The following TMBIM4 variants were observed in gnomAD, a reference collection of about 807,000 sequenced individuals.
The protein encoded by TMBIM4 is protein lifeguard 4.
In TMBIM4, 28 loss-of-function variants were observed where a neutral mutation model predicts 27.7. That is an observed-to-expected ratio of 1.01 (90% CI 0.75 to 1.38). The LOEUF is 1.38. Among genes scored for constraint, TMBIM4 ranks in the 40% most tolerant of loss-of-function variants. TMBIM4 has a pLI of 0.00. For synonymous variants in TMBIM4, 115 were observed against 113.1 expected (o/e 1.02, Z -0.11); for missense variants, 265 against 277.5 (o/e 0.95, Z 0.32).
intron 1 of TMBIM4, among the ~76,000 whole-genome samples, chr12:66,153,843 GTTTT>G (rs1419495983): frequency 3.0e-5 from 4 of 134,476 alleles, no homozygotes; most frequent in African/African-American, 8.0e-5. Flanking sequence ...TAAACGTTAA[GTTTT>G]TTTATGTCTT....
intron 1 of TMBIM4, chr12:66,160,148 C>T: frequency 1.4e-6 from 1 of 701,404 alleles, no homozygotes; most frequent in Non-Finnish European, 2.6e-6. Flanking sequence ...GCCCAGAAAG[C>T]TGAGTATGTT....
intron 1 of TMBIM4, chr12:66,169,204 C>T: frequency 1.4e-6 from 1 of 690,692 alleles, no homozygotes. Context: ...CAATGGCTTC[C>T]ACGTAGATGA....
rs973622624 is a variant in TMBIM4 at position 66,152,251 on chromosome 12, G to A, written c.312+20C>T. On this transcript the variant is annotated intron_variant, in intron 3 of 6. Transcript: ENST00000358230. ...CTCAGGAATAATTGTTAAGGGAATA[G>A]AGAAAGTCAGAGTACTCACAAATCC... 2 of 1,444,544 alleles carry A rather than the reference G, an allele frequency of 1.4e-6. No homozygotes were observed. The highest frequency in any genetic ancestry group is 1.3e-5 in the South Asian group (1 of 77,750). 89.5% of individuals were successfully genotyped at this position (1,444,544 alleles called of 1,614,324 possible).
At chr12:66,160,517 A>G (rs1258109897) in intron 1 of TMBIM4, among the ~76,000 whole-genome samples, 2 of 152,210 alleles carry the variant, frequency 1.3e-5, no homozygotes. Context: ...GAAACTATGA[A>G]AGACTACTGC....
At chr12:66,166,521 G>A (rs953993560) in intron 1 of TMBIM4, among the ~76,000 whole-genome samples, 1 of 150,506 alleles carries the variant, frequency 6.6e-6, no homozygotes, top group Non-Finnish European at 1.5e-5. Flanking sequence ...AAACACAAAT[G>A]GCAAATAAGT....
intron 2 of TMBIM4, among the ~76,000 whole-genome samples, chr12:66,152,862 A>G (rs943700393): frequency 6.6e-6 from 1 of 151,890 alleles, no homozygotes; most frequent in African/African-American, 2.4e-5. Flanking sequence ...CCTTTCCTTT[A>G]ATATAACAAA....
chr12:66,169,309 A>G, intron 1 of TMBIM4: 2 of 695,476 alleles, frequency 2.9e-6, no homozygotes, highest in South Asian at 3.0e-5. Flanking sequence ...TTCTGTGTTG[A>G]GCAACTTCCT....
chr12:66,136,341 A>G lies in TMBIM4; in HGVS notation c.*1619T>C, dbSNP rs1179241592. 6.5e-6 allele frequency: 1 copy of G among 152,906 alleles called. No homozygotes were observed. The highest frequency in any genetic ancestry group is 1.9e-4 in the East Asian group (1 of 5,200). The allele number at this position is 152,906 out of a possible 1,614,324, so 9.5% of individuals were successfully genotyped here. A position where few individuals can be genotyped will look rare whatever the true frequency, so the allele number is the denominator to read the frequency against. ...ATGCTGTTAAACTTGATTGCACTGC[A>G]TCATACACTTGATAATTCAACAGTT... On this transcript the variant is annotated 3_prime_UTR_variant, in exon 7 of 7. Transcript: ENST00000358230.
intron 5 of TMBIM4, among the ~76,000 whole-genome samples, chr12:66,140,563 A>G (rs2051652240): frequency 6.6e-6 from 1 of 152,188 alleles, no homozygotes; most frequent in Non-Finnish European, 1.5e-5. Flanking sequence ...CAAAGGAGAA[A>G]GAAGGGGAGA....
chr12:66,169,247 C>A, intron 1 of TMBIM4: 1 of 696,530 alleles, frequency 1.4e-6, no homozygotes, highest in South Asian at 1.5e-5. Context: ...AATTTCTGCC[C>A]ATTGGCTACT....
chr12:66,162,976 T>C (rs1474375466), intron 1 of TMBIM4, among the ~76,000 whole-genome samples: 23 of 152,252 alleles, frequency 1.5e-4, no homozygotes, highest in Admixed American at 1.5e-3. Context: ...TATCTCACTG[T>C]CTTTACATAC....
At chr12:66,140,406 T>A (rs1019996468) in intron 5 of TMBIM4, among the ~76,000 whole-genome samples, 3 of 152,006 alleles carry the variant, frequency 2.0e-5, no homozygotes, top group South Asian at 4.2e-4. Flanking sequence ...TGAAGAAGAT[T>A]ACTAAATTTG....
At chr12:66,143,764 C>A (rs12832926) in intron 5 of TMBIM4, among the ~76,000 whole-genome samples, 45,472 of 151,990 alleles carry the variant, frequency 0.3, 7,381 homozygotes, top group South Asian at 0.41. Flanking sequence ...GAAGGAACAG[C>A]CTATAAACTT....
rs953803572 is a variant in TMBIM4 at position 66,136,843 on chromosome 12, T to C, written c.*1117A>G. On this transcript the variant is annotated 3_prime_UTR_variant, in exon 7 of 7. Transcript: ENST00000358230. The stretch of plus-strand genomic sequence containing the variant: ...ACTTTGTTATGGCAGCCTAACAAAC[T>C]AGTACAGTGAGGGAATTTGACAAAA... 2 of 152,216 alleles carry C rather than the reference T, an allele frequency of 1.3e-5. No individual in the cohort carries two copies. The highest frequency in any genetic ancestry group is 2.9e-5 in the Non-Finnish European group (2 of 68,042). 9.4% of individuals were successfully genotyped at this position (152,216 alleles called of 1,614,324 possible).
intron 1 of TMBIM4, among the ~76,000 whole-genome samples, chr12:66,168,113 C>T (rs2052163063): frequency 6.6e-6 from 1 of 151,394 alleles, no homozygotes; most frequent in Non-Finnish European, 1.5e-5. Flanking sequence ...CCCAACTACT[C>T]GAGAGGCTGA....
chr12:66,152,314 T>C lies in TMBIM4; in HGVS notation c.269A>G (p.Asn90Ser), dbSNP rs992456352. ...SLGLIFALIL[N>S]RHKYPLNLYL... is the part of the protein sequence containing the mutation. ...CAGGTTAAGGGGATACTTATGTCTGTTTAAAATCAACGCAAAAATCAAACC... is the reference window on the plus strand; with the variant it reads ...CAGGTTAAGGGGATACTTATGTCTGCTTAAAATCAACGCAAAAATCAAACC... Residue 90 changes from asparagine to serine, a missense_variant, in exon 3 of 7, where the codon AAC becomes AGC. Transcript: ENST00000358230. 1.9e-6 allele frequency: 3 copies of C among 1,609,876 alleles called. No individual in the cohort carries two copies. Among genetic ancestry groups the C allele is most frequent in the Admixed American group, 3.3e-5 (2 of 59,848 alleles).
chr12:66,147,940 G>A lies in TMBIM4; in HGVS notation c.314C>T (p.Thr105Met), dbSNP rs374426385. Reference sequence around the variant, plus strand: ...TGCCACAGTCAGAGCTTCCAACAGCGTCTAATGAAAAGAAACTTAAATTAG... The same window carrying A: ...TGCCACAGTCAGAGCTTCCAACAGCATCTAATGAAAAGAAACTTAAATTAG... ...PLNLYLLFGF[T>M]LLEALTVAVV... The change falls in exon 4 of 7, where the codon ACG becomes ATG. Residue 105 changes from threonine to methionine, a missense_variant and splice_region_variant. By Grantham distance (81) the Thr-to-Met change is moderately conservative (BLOSUM62 -1). Transcript: ENST00000358230. The A allele has an allele frequency of 3.0e-5, 48 of 1,610,426 alleles. No homozygotes were observed. Among genetic ancestry groups the A allele is most frequent in the East Asian group, 6.7e-5 (3 of 44,792 alleles).
chr12:66,152,339 C>T lies in TMBIM4; in HGVS notation c.244G>A (p.Gly82Ser). 1 of 1,608,900 alleles carries T rather than the reference C, an allele frequency of 6.2e-7. No homozygotes were observed. Among genetic ancestry groups the T allele is most frequent in the South Asian group, 1.1e-5 (1 of 90,530 alleles). The change falls in exon 3 of 7, where the codon GGT (glycine) becomes AGT (serine). Residue 82 changes from glycine to serine, a missense_variant. Physicochemically the swap from Gly to Ser is moderately conservative, Grantham distance 56. Transcript: ENST00000358230. ...TTTAAAATCAACGCAAAAATCAAAC[C>T]CAGAGATCCGAGGGCAAACAGCAAA... Reference protein sequence around the residue: ...LILLFALGSLGLIFALILNRH... With the variant: ...LILLFALGSLSLIFALILNRH...
rs371265949 is a variant in TMBIM4, at chr12:66,137,353, T to G, written c.*607A>C. On this transcript the variant is annotated 3_prime_UTR_variant, in exon 7 of 7. Coordinates refer to ENST00000358230, the MANE Select transcript of TMBIM4 (RefSeq NM_016056.4). ...TCTTATCTACTCATAAAATTATTTT[T>G]GAATTGCAAACGAACTGCTATGCGT... 6.6e-6 allele frequency: 1 copy of G among 152,220 alleles called. No individual in the cohort carries two copies. The highest frequency in any genetic ancestry group is 1.9e-4 in the East Asian group (1 of 5,204). The allele number at this position is 152,220 out of a possible 1,614,324, so 9.4% of individuals were successfully genotyped here. A position where few individuals can be genotyped will look rare whatever the true frequency, so the allele number is the denominator to read the frequency against.
Sources: gnomAD v4.1 joint callset for allele counts (sites outside exome capture counted in the v4.1 genomes callset) on GRCh38, gnomAD v4.1.1 for gene constraint, MANE v1.5 for transcripts, NCBI Gene and HGNC (gene_info 2026-07-23, HGNC 2026-07-21) for gene names.